ABCC4: variants seen among roughly 807,000 people sequenced by gnomAD.
ABCC4 encodes ATP-binding cassette sub-family C member 4.
In ABCC4, 102 loss-of-function variants were observed where a neutral mutation model predicts 168.5. The observed-to-expected ratio is 0.61, with a 90% CI of 0.52 to 0.71. The LOEUF (loss-of-function observed/expected upper bound fraction) is 0.71. ABCC4 is among the 30% of genes least tolerant of loss of function. The pLI, the probability that ABCC4 is intolerant of heterozygous loss-of-function variation, is 0.00. For missense variants in ABCC4, 1,402 were observed against 1,605.8 expected (o/e 0.87, Z 2.17); for synonymous variants, 617 against 590.7 (o/e 1.04, Z -0.65).
At position 95,083,167 on chromosome 13, in the gene ABCC4, T is replaced by C; in HGVS notation, c.2659A>G (p.Arg887Gly). The C allele has an allele frequency of 6.2e-7, 1 of 1,614,064 alleles. No homozygotes were observed. The highest frequency in any genetic ancestry group is 2.2e-5 in the East Asian group (1 of 44,870). ...FLRRYFLETS[R>G]DVKRLESTTR... ...GTAGATTCCAGGCGCTTCACATCTC[T>C]TGACGTTTCCAAAAAATATCGCCGA... The change falls in exon 21 of 31, where the codon AGA becomes GGA. Residue 887 changes from arginine (R) to glycine (G), a missense_variant. Arg to Gly is a moderately radical substitution (Grantham distance 125). Around this residue, in one of 3 missense-constraint regions of ABCC4, gnomAD observed 1,007 missense variants for 1,127.3 expected, o/e 0.89. Transcript: ENST00000645237.
At chr13:95,248,353 T>C (rs1273545534) in intron 1 of ABCC4, among the ~76,000 whole-genome samples, 1 of 152,162 alleles carries the variant, frequency 6.6e-6, no homozygotes, top group East Asian at 1.9e-4. Context: ...ACATTTTCAA[T>C]GGGAGCTAAA....
At chr13:95,222,596 C>T (rs993139531) in intron 4 of ABCC4, among the ~76,000 whole-genome samples, 3 of 152,182 alleles carry the variant, frequency 2.0e-5, no homozygotes, top group African/African-American at 7.2e-5. Context: ...CAAGCCTTAA[C>T]AGAGAGCTGG....
chr13:95,073,299 C>G lies in ABCC4; in HGVS notation c.2923G>C (p.Asp975His). The stretch of plus-strand genomic sequence containing the variant: ...AGTGCCAAACCAACCTGCCCGGCAT[C>G]CAGAGCTACGTAAGGAGGAAGAAGG... ...FGSLILAKTL[D>H]AGQVGLALSY... is the part of the protein sequence containing the mutation. Residue 975 changes from aspartate (D) to histidine (H), a missense_variant, in exon 24 of 31, where the codon GAT becomes CAT. Transcript: ENST00000645237. 6.2e-7 allele frequency: 1 copy of G among 1,612,766 alleles called. No homozygotes were observed. The highest frequency in any genetic ancestry group is 1.1e-5 in the South Asian group (1 of 90,810).
chr13:95,247,728 C>T lies in ABCC4; in HGVS notation c.100G>A (p.Gly34Ser). ...TCTTCCTCTAATCTCCGTTTATGGC[C>T]AATTTTAAACAAGGGATTGAGCCAC... is the stretch of plus-strand genomic sequence containing the variant. ...FWWLNPLFKI[G>S]HKRRLEEDDM... Residue 34 changes from glycine (G) to serine (S), a missense_variant, in exon 2 of 31, where the codon GGC (glycine) becomes AGC (serine). Physicochemically the swap from Gly to Ser is moderately conservative, Grantham distance 56. Around this residue, in one of 3 missense-constraint regions of ABCC4, gnomAD observed 317 missense variants for 345.5 expected, o/e 0.92. Transcript: ENST00000645237. 6.2e-7 allele frequency: 1 copy of T among 1,613,866 alleles called. No individual in the cohort carries two copies. The highest frequency in any genetic ancestry group is 8.5e-7 in the Non-Finnish European group (1 of 1,179,870).
chr13:95,109,859 C>T (rs1318147285), intron 20 of ABCC4, among the ~76,000 whole-genome samples: 1 of 152,168 alleles, frequency 6.6e-6, no homozygotes, highest in East Asian at 1.9e-4. Flanking sequence ...CCAAGCCCAA[C>T]ATGGGGCCTA....
chr13:95,266,258 G>C (rs1044826716), intron 1 of ABCC4: 1 of 152,598 alleles, frequency 6.6e-6, no homozygotes, highest in Non-Finnish European at 1.5e-5. Flanking sequence ...AAAGAGGCGG[G>C]GGAGACCTGG....
rs769358388 is a variant in ABCC4 at position 95,301,326 on chromosome 13, G to C, written c.-12C>G. 20 of 1,577,856 alleles carry C rather than the reference G, an allele frequency of 1.3e-5. No homozygotes were observed. The Admixed American group carries it at 3.6e-4, about 28-fold the overall frequency. On this transcript the variant is annotated 5_prime_UTR_variant, in exon 1 of 31. Transcript: ENST00000645237. ...TACACGGGCAGCATCTTGCCGGGCG[G>C]GGCGGGCGCGGGCCGGGGTCGCGCT...
At position 95,206,105 on chromosome 13, in the gene ABCC4, C is replaced by T. The variant is rs567395187; in HGVS notation, c.1161+427G>A. The stretch of plus-strand genomic sequence containing the variant: ...CAGGGATAGCTAAGTGAAGTTGAGG[C>T]CATTCTTCCTGACCAAGAAGCAGAG... On this transcript the variant is annotated intron_variant, in intron 8 of 30. Coordinates refer to ENST00000645237, the MANE Select transcript of ABCC4 (RefSeq NM_005845.5). Among the ~76,000 whole-genome samples the T allele has an allele frequency of 2.0e-5, 3 of 152,278 alleles. No homozygotes were observed. In the East Asian group the frequency reaches 5.8e-4, roughly 29 times the overall value.
chr13:95,245,851 AC>A (rs942209800), intron 3 of ABCC4, among the ~76,000 whole-genome samples: 2 of 138,484 alleles, frequency 1.4e-5, no homozygotes, highest in African/African-American at 5.2e-5. Context: ...ACAGGAGCAA[AC>A]CCCCCCACAT....
intron 1 of ABCC4, among the ~76,000 whole-genome samples, chr13:95,257,232 G>T (rs1053474793): frequency 6.6e-6 from 1 of 152,214 alleles, no homozygotes; most frequent in Non-Finnish European, 1.5e-5. Context: ...GACAATCATT[G>T]TGGAAAATCA....
At chr13:95,097,769 A>C (rs920436613) in intron 20 of ABCC4, among the ~76,000 whole-genome samples, 1 of 152,028 alleles carries the variant, frequency 6.6e-6, no homozygotes, top group Non-Finnish European at 1.5e-5. Flanking sequence ...TTTTAAAAAA[A>C]AAAAATCCCT....
intron 1 of ABCC4, among the ~76,000 whole-genome samples, chr13:95,273,851 T>C (rs2040906330): frequency 6.9e-6 from 1 of 145,158 alleles, no homozygotes; most frequent in South Asian, 2.2e-4. Context: ...GGAGTCTTGC[T>C]GTTGCCCAGG....
intron 24 of ABCC4, 41 bp from the exon 25 acceptor site, chr13:95,071,894 G>T: frequency 1.5e-6 from 2 of 1,365,608 alleles, no homozygotes; most frequent in Non-Finnish European, 1.9e-6. Context: ...GGAATGGAGG[G>T]TGTCATTTAT....
intron 29 of ABCC4, among the ~76,000 whole-genome samples, chr13:95,038,780 G>GTCA (rs2032234935): frequency 6.6e-6 from 1 of 152,164 alleles, no homozygotes; most frequent in African/African-American, 2.4e-5. Flanking sequence ...GGCACAATTG[G>GTCA]GTGACTGACC....
intron 19 of ABCC4, among the ~76,000 whole-genome samples, chr13:95,141,434 A>C (rs2036313232): frequency 6.6e-6 from 1 of 152,210 alleles, no homozygotes; most frequent in South Asian, 2.1e-4. Context: ...AAAGCTTCAA[A>C]AGTCAAAGAA....
At chr13:95,122,125 T>C (rs1238177207) in intron 19 of ABCC4, among the ~76,000 whole-genome samples, 1 of 152,230 alleles carries the variant, frequency 6.6e-6, no homozygotes, top group Non-Finnish European at 1.5e-5. Flanking sequence ...ATCTTATTTT[T>C]TTCTAAGGAT....
At chr13:95,197,201 A>G (rs2038481793) in intron 8 of ABCC4, among the ~76,000 whole-genome samples, 1 of 152,236 alleles carries the variant, frequency 6.6e-6, no homozygotes, top group Non-Finnish European at 1.5e-5. Flanking sequence ...TACATGCTAC[A>G]GTCATAAACA....
intron 4 of ABCC4, among the ~76,000 whole-genome samples, chr13:95,230,887 C>T (rs531883239): frequency 6.6e-6 from 1 of 152,134 alleles, no homozygotes; most frequent in Non-Finnish European, 1.5e-5. Flanking sequence ...CCCAAATGTC[C>T]GGTGGCAGAT....
Position 95,281,777 on chromosome 13 carries a change from G to A in ABCC4, c.74+19464C>T, listed in dbSNP as rs1030724475. On this transcript the variant is annotated intron_variant, in intron 1 of 30. Transcript: ENST00000645237. Reference sequence around the variant, plus strand: ...GGCAATATCTTTGTGAGGCTTGTGGGCTGTAATATAGTCTGCTCAGGCTGC... The same window carrying A: ...GGCAATATCTTTGTGAGGCTTGTGGACTGTAATATAGTCTGCTCAGGCTGC... Among the ~76,000 whole-genome samples, 10 of 151,954 alleles carry A rather than the reference G, an allele frequency of 6.6e-5. No individual in the cohort carries two copies. In the South Asian group the frequency reaches 1.2e-3, roughly 19 times the overall value.
Sources: gnomAD v4.1 joint callset for allele counts (sites outside exome capture counted in the v4.1 genomes callset) on GRCh38, gnomAD v4.1.1 for gene constraint, gnomAD v4.1.1 regional missense constraint, MANE v1.5 for transcripts, NCBI Gene and HGNC (gene_info 2026-07-23, HGNC 2026-07-21) for gene names.